ZNF385D: variants seen among roughly 807,000 people sequenced by gnomAD.
ZNF385D encodes the protein zinc finger protein 659.
A neutral mutation model predicts 35.8 loss-of-function variants in ZNF385D; 15 were observed. The ratio of observed to expected loss-of-function variants is 0.42; its 90% CI spans 0.28 to 0.64. The LOEUF is 0.64. ZNF385D is among the 30% of genes least tolerant of loss of function. The pLI is 0.23. For missense variants in ZNF385D, 474 were observed against 494.6 expected, an observed-to-expected ratio of 0.96 and a Z score of 0.39; for synonymous variants, 212 against 186.8, an observed-to-expected ratio of 1.13 and a Z score of -1.10.
chr3:21,704,543 C>G (rs777201706), intron 1 of ZNF385D, among the ~76,000 whole-genome samples: 1 of 152,056 alleles, frequency 6.6e-6, no homozygotes, highest in Admixed American at 6.6e-5. Flanking sequence ...ACGTCTCGCT[C>G]TGTCACCCAG....
intron 1 of ZNF385D, among the ~76,000 whole-genome samples, chr3:21,745,693 C>T (rs537715512): frequency 6.6e-6 from 1 of 152,178 alleles, no homozygotes; most frequent in African/African-American, 2.4e-5. Flanking sequence ...AGAGAGAGGG[C>T]AGGGACTATG....
rs567353849 is a variant in ZNF385D, at chr3:21,782,324, T to C, written c.326-117296A>G. On this transcript the variant is annotated intron_variant, in intron 3 of 5. Transcript: ENST00000494108. ...AACATAAAATCTCCAAGTTTAGAAC[T>C]GAGGGAAATGACCTGCTACCTGGAG... 5.5e-4 allele frequency among the ~76,000 whole-genome samples: 83 copies of C among 152,176 alleles called. 1 individual carries two copies. Among genetic ancestry groups the C allele is most frequent in the South Asian group, 1.2e-3 (6 of 4,824 alleles).
chr3:21,434,710 C>T (rs1293909976), intron 5 of ZNF385D, among the ~76,000 whole-genome samples: 2 of 152,122 alleles, frequency 1.3e-5, no homozygotes, highest in Non-Finnish European at 2.9e-5. Flanking sequence ...AGTCCTGACA[C>T]AGCTTGCTAG....
intron 3 of ZNF385D, among the ~76,000 whole-genome samples, chr3:22,066,191 A>T (rs1285081283): frequency 6.6e-6 from 1 of 152,138 alleles, no homozygotes; most frequent in Non-Finnish European, 1.5e-5. Flanking sequence ...TCAATAAATT[A>T]GAGTCAAAAG....
intron 3 of ZNF385D, among the ~76,000 whole-genome samples, chr3:21,823,442 C>A (rs1372870523): frequency 6.6e-6 from 1 of 151,774 alleles, no homozygotes; most frequent in African/African-American, 2.4e-5. Context: ...CCCAAACACA[C>A]ACACACACAT....
intron 3 of ZNF385D, among the ~76,000 whole-genome samples, chr3:22,080,037 G>A (rs958932453): frequency 6.6e-6 from 1 of 152,042 alleles, no homozygotes; most frequent in African/African-American, 2.4e-5. Context: ...TTTCCTGGTA[G>A]ACTGCCAACC....
intron 3 of ZNF385D, among the ~76,000 whole-genome samples, chr3:21,907,120 T>A (rs765439244): frequency 3.3e-5 from 5 of 152,202 alleles, no homozygotes; most frequent in Non-Finnish European, 7.3e-5. Flanking sequence ...TATTAGAACT[T>A]ACACCTCTTC....
chr3:21,608,447 G>C (rs2064563147), intron 2 of ZNF385D, among the ~76,000 whole-genome samples: 1 of 152,138 alleles, frequency 6.6e-6, no homozygotes, highest in Admixed American at 6.6e-5. Flanking sequence ...TTAAAAATAT[G>C]AACTCTGTAT....
At chr3:21,444,392 T>TC (rs780433867) in intron 4 of ZNF385D, among the ~76,000 whole-genome samples, 1 of 70,288 alleles carries the variant, frequency 1.4e-5, no homozygotes, top group Non-Finnish European at 2.3e-5. Context: ...TTTTTGTTTT[T>TC]TTTTTTTTTT....
At chr3:22,273,456 C>A (rs1181954782) in intron 2 of ZNF385D, among the ~76,000 whole-genome samples, 1 of 151,838 alleles carries the variant, frequency 6.6e-6, no homozygotes, top group African/African-American at 2.4e-5. Context: ...CTGGGTGGTT[C>A]TACTGGTATC....
intron 3 of ZNF385D, among the ~76,000 whole-genome samples, chr3:21,835,550 T>C (rs1036875682): frequency 2.7e-5 from 4 of 149,606 alleles, no homozygotes; most frequent in Non-Finnish European, 4.4e-5. Context: ...CAAATACGTA[T>C]GTTCACTAAG....
Position 22,018,340 on chromosome 3 carries a change from TATC to T in ZNF385D, c.325+150474_325+150476del, listed in dbSNP as rs570297995. Among the ~76,000 whole-genome samples the T allele has an allele frequency of 1.4e-3, 212 of 151,946 alleles. 1 individual carries two copies. The highest frequency in any genetic ancestry group is 4.4e-3 in the African/African-American group (183 of 41,528). On this transcript the variant is annotated intron_variant, in intron 3 of 5. Coordinates refer to the ZNF385D transcript ENST00000494108. ...CTCTGTTAACATATAGATTGTACATTATCATTCTCAACTCCATTTCTATTAACT... is the reference window on the plus strand; with the variant it reads ...CTCTGTTAACATATAGATTGTACATTATTCTCAACTCCATTTCTATTAACT...
chr3:22,315,458 G>C (rs1212628583), intron 2 of ZNF385D, among the ~76,000 whole-genome samples: 3 of 152,174 alleles, frequency 2.0e-5, no homozygotes, highest in African/African-American at 7.2e-5. Context: ...AGATTACACA[G>C]TTTATGTTAC....
At chr3:21,686,995 T>C (rs2067126611) in intron 1 of ZNF385D, among the ~76,000 whole-genome samples, 1 of 152,198 alleles carries the variant, frequency 6.6e-6, no homozygotes, top group Admixed American at 6.5e-5. Context: ...ACCAGTGGAA[T>C]GTGGCATAAG....
In ZNF385D at chr3:21,425,644, C is replaced by T; in HGVS notation, c.700G>A (p.Ala234Thr). 6.3e-7 allele frequency: 1 copy of T among 1,590,966 alleles called. No homozygotes were observed. The highest frequency in any genetic ancestry group is 2.3e-5 in the East Asian group (1 of 43,830). The change falls in exon 6 of 8, where the codon GCC (alanine) becomes ACC (threonine). Residue 234 changes from alanine to threonine, a missense_variant. By Grantham distance (58) the Ala-to-Thr change is moderately conservative. Transcript: ENST00000281523. The stretch of plus-strand genomic sequence containing the variant: ...TTGATAGTGCCACTTCCATTCCGGG[C>T]TTCTAACATGGTTTTGTGCTTAGTA... ...SGTKHKTMLE[A>T]RNGSGTIKAF...
intron 2 of ZNF385D, among the ~76,000 whole-genome samples, chr3:21,592,566 A>AC (rs1285544569): frequency 1.3e-4 from 19 of 151,094 alleles, no homozygotes; most frequent in East Asian, 7.8e-4. Flanking sequence ...CCAAAAACAA[A>AC]AAAAAAAAAC....
intron 3 of ZNF385D, among the ~76,000 whole-genome samples, chr3:21,895,374 C>T (rs535813827): frequency 7.7e-6 from 1 of 130,644 alleles, no homozygotes; most frequent in South Asian, 2.6e-4. Flanking sequence ...GTCACCCTGA[C>T]TGCAGTGTAA....
chr3:22,091,196 T>G (rs1034160516), intron 3 of ZNF385D, among the ~76,000 whole-genome samples: 18 of 152,168 alleles, frequency 1.2e-4, no homozygotes, highest in African/African-American at 3.9e-4. Context: ...GTTGATTGAC[T>G]GAAACTTGGA....
chr3:21,889,387 C>G (rs369771921), intron 3 of ZNF385D, among the ~76,000 whole-genome samples: 9 of 152,024 alleles, frequency 5.9e-5, no homozygotes, highest in East Asian at 1.9e-4. Context: ...TGTAACCAAC[C>G]AGATGGTGGA....
Sources: gnomAD v4.1 joint callset for allele counts (sites outside exome capture counted in the v4.1 genomes callset) on GRCh38, gnomAD v4.1.1 for gene constraint, MANE v1.5 for transcripts, NCBI Gene and HGNC (gene_info 2026-07-23, HGNC 2026-07-21) for gene names.